MYH14: variants seen among roughly 807,000 people sequenced by gnomAD.
MYH14 encodes myosin-14.
A neutral mutation model predicts 255.5 loss-of-function variants in MYH14; 123 were observed. The ratio of observed to expected loss-of-function variants is 0.48; its 90% CI spans 0.42 to 0.56. The LOEUF is 0.56. Ranked by LOEUF, MYH14 falls within the 20% of genes least tolerant of loss-of-function variation. The pLI, the probability that MYH14 is intolerant of heterozygous loss-of-function variation, is 0.00. For synonymous variants in MYH14, 1,095 were observed against 1,161.2 expected (o/e 0.94, Z 1.16); for missense variants, 2,423 against 2,802.3 (o/e 0.86, Z 3.06).
chr19:50,231,689 G>A (rs1736883184), intron 9 of MYH14, among the ~76,000 whole-genome samples: 1 of 150,946 alleles, frequency 6.6e-6, no homozygotes, highest in African/African-American at 2.4e-5. Flanking sequence ...CTGCAGCCTG[G>A]GCAACAGAGC....
intron 33 of MYH14, among the ~76,000 whole-genome samples, chr19:50,284,056 G>A (rs1186098863): frequency 6.7e-6 from 1 of 149,502 alleles, no homozygotes; most frequent in African/African-American, 2.5e-5. Flanking sequence ...TGGGCAACAA[G>A]AGTGAAACTC....
rs1356726197 is a variant in MYH14 at position 50,263,414 on chromosome 19, T to C, written c.2688T>C (p.Phe896=). The change falls in exon 22 of 43, where the codon TTT becomes TTC. Residue 896 remains phenylalanine, a synonymous_variant. Transcript: ENST00000642316. The part of the protein sequence containing the change: ...KLRHWQWWRL[F]TKVKPLLQVT... Reference sequence around the variant, plus strand: ...GACACTGGCAGTGGTGGCGGCTGTTTACCAAGGTGAGGGCAGCCTGGGGAG... The same window carrying C: ...GACACTGGCAGTGGTGGCGGCTGTTCACCAAGGTGAGGGCAGCCTGGGGAG... 1.9e-6 allele frequency: 3 copies of C among 1,597,776 alleles called. No homozygotes were observed. Among genetic ancestry groups the C allele is most frequent in the South Asian group, 1.1e-5 (1 of 88,512 alleles).
At chr19:50,240,731 G>C (rs661370) in intron 10 of MYH14, among the ~76,000 whole-genome samples, 22,212 of 151,836 alleles carry the variant, frequency 0.15, 1,825 homozygotes, top group South Asian at 0.19. Flanking sequence ...GAGGCCAGGA[G>C]TTGGAGACCA....
intron 16 of MYH14, among the ~76,000 whole-genome samples, chr19:50,253,860 C>T (rs1249475942): frequency 1.3e-5 from 2 of 152,174 alleles, no homozygotes; most frequent in Non-Finnish European, 1.5e-5. Flanking sequence ...GTCAGTTTGC[C>T]TTAATCTTTT....
At chr19:50,218,697 G>T (rs746428195) in intron 3 of MYH14, among the ~76,000 whole-genome samples, 1 of 151,978 alleles carries the variant, frequency 6.6e-6, no homozygotes, top group Non-Finnish European at 1.5e-5. Context: ...CTGAGATTTT[G>T]GTGCACTTGC....
In MYH14 at chr19:50,292,302, C is replaced by G; in HGVS notation, c.5169C>G (p.Arg1723=). The change falls in exon 37 of 43, where the codon CGC becomes CGG. Residue 1723 remains arginine (R), a synonymous_variant. Coordinates refer to ENST00000642316, the MANE Select transcript of MYH14 (RefSeq NM_001145809.2). The part of the protein sequence containing the change: ...KELWREVEET[R]TSREEIFSQN... ...TATGGCGGGAGGTGGAGGAGACACG[C>G]ACCTCCCGGGAGGAGATCTTCTCCC... is the stretch of plus-strand genomic sequence containing the variant. 6.3e-7 allele frequency: 1 copy of G among 1,599,672 alleles called. No homozygotes were observed. Among genetic ancestry groups the G allele is most frequent in the Non-Finnish European group, 8.5e-7 (1 of 1,173,762 alleles).
rs1277545709 is a variant in MYH14 at position 50,276,769 on chromosome 19, A to G, written c.3693A>G (p.Glu1231=). 2 of 1,613,356 alleles carry G rather than the reference A, an allele frequency of 1.2e-6. No individual in the cohort carries two copies. The highest frequency in any genetic ancestry group is 1.7e-6 in the Non-Finnish European group (2 of 1,179,816). ...TCCCCCAATAAAGGTCCAAGAGGGA[A>G]CAGGAGGTGACGGAGCTGAAGAAGA... ...NAQQELRSKR[E]QEVTELKKTL... Residue 1231 remains glutamate, a synonymous_variant, in exon 29 of 43, where the codon GAA becomes GAG. Coordinates refer to ENST00000642316, the MANE Select transcript of MYH14 (RefSeq NM_001145809.2). This position sits in a 1 kb window ranked among gnomAD's most constrained non-coding sequence, Gnocchi z 4.3.
In MYH14 at chr19:50,281,724, A is replaced by T. The variant is rs1195785912; in HGVS notation, c.4421A>T (p.Asp1474Val). The change falls in exon 33 of 43, where the codon GAT becomes GTT. Residue 1474 changes from aspartate to valine, a missense_variant. Around this residue, in one of 3 missense-constraint regions of MYH14, gnomAD observed 1,513 missense variants for 1,674.8 expected, o/e 0.90. Coordinates refer to ENST00000642316, the MANE Select transcript of MYH14 (RefSeq NM_001145809.2). ...CTGGCAGAAAAGACAGAGACCGTGG[A>T]TCGGCTGGAGCGGGGCCGCCGCCGG... is the stretch of plus-strand genomic sequence containing the variant. ...QRLAEKTETV[D>V]RLERGRRRLQ... 6.2e-7 allele frequency: 1 copy of T among 1,612,230 alleles called. No individual in the cohort carries two copies. Among genetic ancestry groups the T allele is most frequent in the Non-Finnish European group, 8.5e-7 (1 of 1,179,668 alleles).
chr19:50,291,612 C>T (rs1019185985), intron 36 of MYH14, among the ~76,000 whole-genome samples: 1 of 152,170 alleles, frequency 6.6e-6, no homozygotes, highest in Non-Finnish European at 1.5e-5. Flanking sequence ...CACCTGTAAT[C>T]CCACCACTTT....
intron 5 of MYH14, among the ~76,000 whole-genome samples, chr19:50,223,742 G>A (rs2032958522): frequency 6.6e-6 from 1 of 152,160 alleles, no homozygotes; most frequent in African/African-American, 2.4e-5. Flanking sequence ...GGTGGGTGCT[G>A]TTTTCCTGCA....
At chr19:50,219,178 T>C (rs2032673836) in intron 3 of MYH14, among the ~76,000 whole-genome samples, 2 of 149,278 alleles carry the variant, frequency 1.3e-5, no homozygotes, top group Non-Finnish European at 1.5e-5. Flanking sequence ...GTTTATCTAC[T>C]CGTTGGTTGA....
intron 8 of MYH14, among the ~76,000 whole-genome samples, chr19:50,229,314 G>A (rs2033262490): frequency 6.6e-6 from 1 of 152,160 alleles, no homozygotes; most frequent in East Asian, 1.9e-4. Context: ...ACACAGAGGG[G>A]TTAAGCAAAG....
chr19:50,209,508 G>A (rs1259997858), intron 1 of MYH14, among the ~76,000 whole-genome samples: 1 of 152,144 alleles, frequency 6.6e-6, no homozygotes, highest in Admixed American at 6.5e-5. Flanking sequence ...TAATTGGCCA[G>A]GCGCGGTGGC....
Position 50,255,251 on chromosome 19 carries a change from T to C in MYH14, c.1977T>C (p.Leu659=), listed in dbSNP as rs1302492065. The change falls in exon 17 of 43, where the codon CTT becomes CTC. Residue 659 remains leucine (L), a synonymous_variant. Transcript: ENST00000642316. Reference sequence around the variant, plus strand: ...GGGGCTTCCAGCAGTTCTCTTTCCTTGGCTCCTTCCCACCGTCGCCCCCAG... The same window carrying C: ...GGGGCTTCCAGCAGTTCTCTTTCCTCGGCTCCTTCCCACCGTCGCCCCCAG... ...EHGGFQQFSF[L]GSFPPSPPGS... 2.6e-6 allele frequency: 4 copies of C among 1,551,500 alleles called. No homozygotes were observed. Among genetic ancestry groups the C allele is most frequent in the Non-Finnish European group, 3.5e-6 (4 of 1,146,980 alleles).
chr19:50,293,624 G>A lies in MYH14; in HGVS notation c.5406G>A (p.Glu1802=), dbSNP rs774739491. ...LEGRLGQLEE[E]LEEEQSNSEL... is the part of the protein sequence containing the mutation. ...GGCGCCTGGGGCAGTTGGAGGAAGAGCTGGAGGAGGAGCAGAGCAACTCGG... is the reference window on the plus strand; with the variant it reads ...GGCGCCTGGGGCAGTTGGAGGAAGAACTGGAGGAGGAGCAGAGCAACTCGG... Residue 1802 remains glutamate, a synonymous_variant, in exon 39 of 43, where the codon GAG becomes GAA. Coordinates refer to ENST00000642316, the MANE Select transcript of MYH14 (RefSeq NM_001145809.2). This position sits in a 1 kb window ranked among gnomAD's most constrained non-coding sequence, Gnocchi z 4.1. 6.2e-7 allele frequency: 1 copy of A among 1,612,820 alleles called. No individual in the cohort carries two copies. Among genetic ancestry groups the A allele is most frequent in the Non-Finnish European group, 8.5e-7 (1 of 1,179,402 alleles).
At chr19:50,242,370 G>A (rs536047310) in intron 10 of MYH14, among the ~76,000 whole-genome samples, 3 of 152,314 alleles carry the variant, frequency 2.0e-5, no homozygotes, top group African/African-American at 4.8e-5. Flanking sequence ...ACAGTTCCAC[G>A]TGGCTGGGGT....
chr19:50,245,147 A>G (rs908228686), intron 11 of MYH14, among the ~76,000 whole-genome samples: 3 of 151,932 alleles, frequency 2.0e-5, no homozygotes, highest in Non-Finnish European at 2.9e-5. Context: ...AGAGAAAATT[A>G]CCCATAATCA....
chr19:50,265,345 T>C (rs2035044064), intron 22 of MYH14, among the ~76,000 whole-genome samples: 1 of 137,398 alleles, frequency 7.3e-6, no homozygotes, highest in Non-Finnish European at 1.5e-5. Context: ...GACCCTCATC[T>C]CTACAAAAAA....
chr19:50,227,109 GA>G, intron 8 of MYH14, 143 bp downstream of exon 8: 2 of 628,592 alleles, frequency 3.2e-6, no homozygotes, highest in Non-Finnish European at 5.9e-6. Context: ...TCTGCATGGG[GA>G]GGGGAGGGTG....
Sources: allele counts gnomAD v4.1 joint callset (sites outside exome capture counted in the v4.1 genomes callset), GRCh38; gene constraint gnomAD v4.1.1; regional missense constraint gnomAD v4.1.1; non-coding constraint Gnocchi (gnomAD v3.1); transcripts MANE v1.5; gene names NCBI Gene and HGNC (gene_info 2026-07-23, HGNC 2026-07-21).